Variants in NEXMIF observed in about 807,000 individuals in gnomAD.
NEXMIF encodes neurite extension and migration factor.
Under a neutral mutation model 62.1 loss-of-function variants are expected in NEXMIF, and 8 were observed. The observed-to-expected ratio is 0.13, with a 90% CI of 0.08 to 0.23. NEXMIF has a LOEUF of 0.23. Ranked by LOEUF, NEXMIF falls within the 10% of genes least tolerant of loss-of-function variation. NEXMIF has a pLI of 1.00. For missense variants in NEXMIF, 976 were observed against 1,113.3 expected, an observed-to-expected ratio of 0.88 and a Z score of 1.75; for synonymous variants, 404 against 416.6, an observed-to-expected ratio of 0.97 and a Z score of 0.37.
chrX:74,921,722 G>GA (rs11334882), intron 1 of NEXMIF, among the ~76,000 whole-genome samples: 8 of 103,862 alleles, frequency 7.7e-5, no homozygotes, highest in Non-Finnish European at 7.9e-5. Context: ...GGAAGTAAAA[G>GA]AAAAAAAAAA....
chrX:74,853,248 T>C (rs1396829521), intron 1 of NEXMIF, among the ~76,000 whole-genome samples: 1 of 109,290 alleles, frequency 9.1e-6, no homozygotes, highest in Non-Finnish European at 1.9e-5. Context: ...ACATAATCGG[T>C]TTTGTACAGA....
chrX:74,807,939 A>C (rs1179549331), intron 1 of NEXMIF, among the ~76,000 whole-genome samples: 1 of 112,055 alleles, frequency 8.9e-6, no homozygotes, highest in African/African-American at 3.2e-5. Context: ...AAATTGAAGA[A>C]GTTCCCCTCC....
In NEXMIF at chrX:74,742,960, G is replaced by A. The variant is rs758482667; in HGVS notation, c.1597C>T (p.Arg533Cys). ...TTGATAATAACAGGGGGCTCCTTAC[G>A]GGTTACTTTTCTTCTCTTTTTGGGA... ...WCPKKRRKVT[R>C]KEPPVIIKYI... Residue 533 changes from arginine to cysteine, a missense_variant, in exon 3 of 4, where the codon CGT becomes TGT. Around this residue, in one of 5 missense-constraint regions of NEXMIF, gnomAD observed 639 missense variants for 694.5 expected, o/e 0.92. Coordinates refer to ENST00000055682, the MANE Select transcript of NEXMIF (RefSeq NM_001008537.3). 1 of 1,210,597 alleles carries A rather than the reference G, an allele frequency of 8.3e-7. No homozygotes were observed.
chrX:74,826,338 C>T (rs2080417239), intron 1 of NEXMIF, among the ~76,000 whole-genome samples: 1 of 112,011 alleles, frequency 8.9e-6, no homozygotes, highest in Non-Finnish European at 1.9e-5. Context: ...TGTTCACATA[C>T]TTTGCCCACT....
intron 1 of NEXMIF, among the ~76,000 whole-genome samples, chrX:74,868,728 G>GT (rs1273659832): frequency 9.1e-6 from 1 of 110,256 alleles, no homozygotes; most frequent in East Asian, 2.8e-4. Flanking sequence ...CAGGGCACAT[G>GT]TTTACCTATG....
chrX:74,882,655 G>A (rs889057035), intron 1 of NEXMIF, among the ~76,000 whole-genome samples: 1 of 112,019 alleles, frequency 8.9e-6, no homozygotes, highest in Middle Eastern at 4.2e-3. Flanking sequence ...CAGGAAGCTC[G>A]AACTGGGTGG....
At chrX:74,756,347 C>T (rs899903493) in intron 1 of NEXMIF, among the ~76,000 whole-genome samples, 1 of 112,064 alleles carries the variant, frequency 8.9e-6, no homozygotes, top group Non-Finnish European at 1.9e-5. Context: ...ACCATCTGTA[C>T]AATACTTTTA....
In NEXMIF at chrX:74,734,707, ATTGTCCTTCTCCAATGC is replaced by A. The variant is rs1409237690; in HGVS notation, c.*4681_*4697del. 1.8e-5 allele frequency: 2 copies of A among 112,029 alleles called. No homozygotes were observed. Among genetic ancestry groups the A allele is most frequent in the Non-Finnish European group, 3.8e-5 (2 of 53,156 alleles). 9.2% of individuals were successfully genotyped at this position (112,029 alleles called of 1,213,427 possible). A position where few individuals can be genotyped will look rare whatever the true frequency, so the allele number is the denominator to read the frequency against. ...TTTGTTCTAAACCTCTGTCTTTTAC[ATTGTCCTTCTCCAATGC>A]CTTACCTCTTAGTTACGATTCTGAA... On this transcript the variant is annotated 3_prime_UTR_variant, in exon 4 of 4. Coordinates refer to ENST00000055682, the MANE Select transcript of NEXMIF (RefSeq NM_001008537.3).
In NEXMIF at chrX:74,848,597, C is replaced by T. The variant is rs915327122; in HGVS notation, c.-48+76286G>A. ...TAGAGGGCCACTATTCAGCCCACTA[C>T]AATGATTAATACTTAAAACATAAAA... is the stretch of plus-strand genomic sequence containing the variant. On this transcript the variant is annotated intron_variant, in intron 1 of 3. Coordinates refer to ENST00000055682, the MANE Select transcript of NEXMIF (RefSeq NM_001008537.3). 2.7e-5 allele frequency among the ~76,000 whole-genome samples: 3 copies of T among 112,227 alleles called. No individual in the cohort carries two copies. The Admixed American group carries it at 2.8e-4, about 11-fold the overall frequency.
At chrX:74,886,878 C>T (rs1168691093) in intron 1 of NEXMIF, among the ~76,000 whole-genome samples, 1 of 105,448 alleles carries the variant, frequency 9.5e-6, no homozygotes, top group Non-Finnish European at 1.9e-5. Flanking sequence ...CTGGAGGCAT[C>T]ACGCTACCTG....
At chrX:74,856,038 G>A (rs757590665) in intron 1 of NEXMIF, among the ~76,000 whole-genome samples, 76 of 111,785 alleles carry the variant, frequency 6.8e-4, no homozygotes, top group Non-Finnish European at 1.1e-3. Flanking sequence ...CAAAAAACAA[G>A]AAAGTATGGC....
At chrX:74,785,450 C>T (rs186684569) in intron 1 of NEXMIF, among the ~76,000 whole-genome samples, 2 of 110,216 alleles carry the variant, frequency 1.8e-5, no homozygotes, top group East Asian at 5.7e-4. Context: ...CTGTTTATGT[C>T]TAAAGTCCAT....
chrX:74,765,274 C>T (rs1054100405), intron 1 of NEXMIF, among the ~76,000 whole-genome samples: 18 of 111,824 alleles, frequency 1.6e-4, no homozygotes, highest in Non-Finnish European at 3.0e-4. Flanking sequence ...TTTCCATTTG[C>T]TTGGTAGATT....
rs1220161010 is a variant in NEXMIF, at chrX:74,741,973, C to T, written c.2584G>A (p.Val862Met). The T allele has an allele frequency of 1.7e-6, 2 of 1,209,793 alleles. No individual in the cohort carries two copies. The highest frequency in any genetic ancestry group is 2.2e-6 in the Non-Finnish European group (2 of 895,027). ...TCAGAGTCAGAGGATGAGGTGAGCA[C>T]ACAGTCCTGGGTAGGCTGGAGGGGT... The part of the protein sequence containing the change: ...FVPLQPTQDC[V>M]LTSSSDSELQ... Residue 862 changes from valine to methionine, a missense_variant, in exon 3 of 4, where the codon GTG (valine) becomes ATG (methionine). Around this residue, in one of 5 missense-constraint regions of NEXMIF, gnomAD observed 639 missense variants for 694.5 expected, o/e 0.92. Coordinates refer to ENST00000055682, the MANE Select transcript of NEXMIF (RefSeq NM_001008537.3).
At chrX:74,899,452 G>A (rs1368255276) in intron 1 of NEXMIF, among the ~76,000 whole-genome samples, 1 of 111,069 alleles carries the variant, frequency 9.0e-6, no homozygotes, top group Admixed American at 9.6e-5. Flanking sequence ...ACCCAAGAAA[G>A]AAATTAAGAA....
intron 1 of NEXMIF, among the ~76,000 whole-genome samples, chrX:74,768,906 C>T (rs1182049256): frequency 1.8e-5 from 2 of 111,705 alleles, no homozygotes; most frequent in Non-Finnish European, 3.8e-5. Context: ...AGAACACATT[C>T]GTACAGTCTG....
intron 1 of NEXMIF, among the ~76,000 whole-genome samples, chrX:74,831,381 C>T (rs1271365096): frequency 4.2e-5 from 4 of 94,545 alleles, no homozygotes; most frequent in African/African-American, 1.6e-4. Flanking sequence ...GTGTGATGTC[C>T]CCCTTCCTGT....
chrX:74,852,790 C>T (rs1435529784), intron 1 of NEXMIF, among the ~76,000 whole-genome samples: 2 of 111,094 alleles, frequency 1.8e-5, no homozygotes, highest in African/African-American at 3.3e-5. Context: ...TTACAGGACA[C>T]ACAAAAGCAC....
At chrX:74,781,428 G>A (rs1234118149) in intron 1 of NEXMIF, among the ~76,000 whole-genome samples, 1 of 108,640 alleles carries the variant, frequency 9.2e-6, no homozygotes, top group Non-Finnish European at 1.9e-5. Context: ...GGAGGGAGAG[G>A]TGAAGGAGGA....
Sources: allele counts gnomAD v4.1 joint callset (sites outside exome capture counted in the v4.1 genomes callset), GRCh38; gene constraint gnomAD v4.1.1; regional missense constraint gnomAD v4.1.1; transcripts MANE v1.5; gene names NCBI Gene and HGNC (gene_info 2026-07-23, HGNC 2026-07-21).